Variants in SUPT3H observed in about 807,000 individuals in gnomAD.
SUPT3H encodes transcription initiation protein SPT3 homolog.
Under a neutral mutation model 44.3 loss-of-function variants are expected in SUPT3H, and 44 were observed. The ratio of observed to expected loss-of-function variants is 0.99; its 90% CI spans 0.78 to 1.28. The LOEUF is 1.28. Among genes scored for constraint, SUPT3H ranks in the 50% most tolerant of loss-of-function variants. The pLI is 0.00. For missense variants in SUPT3H, 380 were observed against 387.1 expected (o/e 0.98, Z 0.15); for synonymous variants, 124 against 125.6 (o/e 0.99, Z 0.09).
chr6:45,175,002 C>G (rs1398476574), intron 2 of SUPT3H, among the ~76,000 whole-genome samples: 7 of 118,992 alleles, frequency 5.9e-5, no homozygotes, highest in Non-Finnish European at 1.2e-4. Context: ...ACATAGTGAG[C>G]CCTCGTCACT....
chr6:45,210,403 T>C (rs1383012637), intron 2 of SUPT3H, among the ~76,000 whole-genome samples: 1 of 152,206 alleles, frequency 6.6e-6, no homozygotes, highest in Admixed American at 6.5e-5. Flanking sequence ...CATAAGTGAC[T>C]ATTCCTCTAC....
chr6:44,932,622 T>A, intron 10 of SUPT3H, 31 bp downstream of exon 10: 1 of 1,445,572 alleles, frequency 6.9e-7, no homozygotes. Flanking sequence ...ATATTATAAA[T>A]ATAACTTTTT....
chr6:45,204,250 A>AAAGAAGAAGAAGAAGAAGAAGAAG (rs59918814), intron 2 of SUPT3H, among the ~76,000 whole-genome samples: 16,754 of 142,944 alleles, frequency 0.12, 1,283 homozygotes, highest in East Asian at 0.26. Flanking sequence ...CCGTCTCAAA[A>AAAGAAGAAGAAGAAGAAGAAGAAG]AAGAAGAAGA....
intron 2 of SUPT3H, among the ~76,000 whole-genome samples, chr6:45,257,939 C>A (rs573776276): frequency 6.6e-6 from 1 of 152,280 alleles, no homozygotes; most frequent in Admixed American, 6.5e-5. Flanking sequence ...CAAAAAACAT[C>A]ATTCTATTTA....
At chr6:44,843,642 A>G (rs948669279) in intron 10 of SUPT3H, among the ~76,000 whole-genome samples, 4 of 152,274 alleles carry the variant, frequency 2.6e-5, no homozygotes, top group African/African-American at 9.6e-5. Flanking sequence ...ATAAAAACAT[A>G]ATATTAATTA....
At chr6:45,260,433 A>G (rs752531878) in intron 2 of SUPT3H, among the ~76,000 whole-genome samples, 9 of 151,960 alleles carry the variant, frequency 5.9e-5, no homozygotes, top group Non-Finnish European at 1.3e-4. Flanking sequence ...AAAAAAATCA[A>G]TGTACCTTTA....
At chr6:45,275,395 T>C (rs1776850146) in intron 2 of SUPT3H, among the ~76,000 whole-genome samples, 1 of 152,236 alleles carries the variant, frequency 6.6e-6, no homozygotes, top group African/African-American at 2.4e-5. Context: ...AAAAAATCAT[T>C]ATGACATATT....
intron 1 of SUPT3H, among the ~76,000 whole-genome samples, chr6:45,376,761 C>T (rs1563054371): frequency 6.6e-6 from 1 of 152,238 alleles, no homozygotes; most frequent in Non-Finnish European, 1.5e-5. Flanking sequence ...TTTTGTCCTT[C>T]AAGTAAATCT....
intron 2 of SUPT3H, chr6:45,321,896 A>G (rs575349438): frequency 6.6e-7 from 1 of 1,515,244 alleles, no homozygotes; most frequent in Non-Finnish European, 9.0e-7. Context: ...ATGAAGCTAG[A>G]AAAAAAATTG....
intron 2 of SUPT3H, among the ~76,000 whole-genome samples, chr6:45,275,359 T>C (rs1776843080): frequency 6.6e-6 from 1 of 152,214 alleles, no homozygotes; most frequent in Non-Finnish European, 1.5e-5. Context: ...GATGTATGTT[T>C]TACTTTACCA....
intron 2 of SUPT3H, among the ~76,000 whole-genome samples, chr6:45,362,419 TGAAATTACTGTAACACA>T (rs1274281947): frequency 2.6e-5 from 4 of 152,130 alleles, no homozygotes; most frequent in African/African-American, 9.7e-5. Context: ...AGTCACAGAA[TGAAATTACTGTAACACA>T]AAATAAACAT....
intron 3 of SUPT3H, among the ~76,000 whole-genome samples, chr6:45,022,867 C>T (rs945621276): frequency 6.6e-6 from 1 of 152,066 alleles, no homozygotes; most frequent in African/African-American, 2.4e-5. Context: ...AAAAAGTCAG[C>T]CCTCCTTATA....
At chr6:44,961,682 G>T in intron 7 of SUPT3H, 71 bp downstream of exon 7, 3 of 1,221,122 alleles carry the variant, frequency 2.5e-6, no homozygotes, top group African/African-American at 1.5e-5. Flanking sequence ...AACAGATCCT[G>T]TCATACTTTA....
At chr6:44,880,799 C>T (rs1232383286) in intron 10 of SUPT3H, among the ~76,000 whole-genome samples, 1 of 152,156 alleles carries the variant, frequency 6.6e-6, no homozygotes, top group African/African-American at 2.4e-5. Flanking sequence ...AAAGAATTTT[C>T]AACCCAGAAT....
In SUPT3H at chr6:45,214,956, T is replaced by TATTC. The variant is rs550032799; in HGVS notation, c.102-108954_102-108951dup. Among the ~76,000 whole-genome samples, 67 of 152,242 alleles carry TATTC rather than the reference T, an allele frequency of 4.4e-4. 2 individuals are homozygous for TATTC. Among genetic ancestry groups the TATTC allele is most frequent in the East Asian group, 4.3e-3 (22 of 5,174 alleles). ...ACCAGCAGAGCCGCTGTGCCCAGTG[T>TATTC]ATTCCATCCCAGACCTGAGAATCAA... On this transcript the variant is annotated intron_variant, in intron 2 of 10. Transcript: ENST00000371459.
chr6:45,193,469 A>C (rs1028045493), intron 2 of SUPT3H, among the ~76,000 whole-genome samples: 14 of 152,292 alleles, frequency 9.2e-5, no homozygotes, highest in African/African-American at 3.1e-4. Context: ...ATGCTGTATC[A>C]AATTCACTTT....
intron 2 of SUPT3H, among the ~76,000 whole-genome samples, chr6:45,228,732 G>A (rs1181537667): frequency 1.3e-5 from 2 of 151,898 alleles, no homozygotes; most frequent in Non-Finnish European, 2.9e-5. Flanking sequence ...CACTACAGCC[G>A]CCGCCCCCAG....
intron 9 of SUPT3H, among the ~76,000 whole-genome samples, chr6:44,948,290 G>C (rs2153471376): frequency 6.6e-6 from 1 of 152,224 alleles, no homozygotes; most frequent in Admixed American, 6.5e-5. Flanking sequence ...AAAAACCCTA[G>C]AAGAAAACCT....
intron 2 of SUPT3H, among the ~76,000 whole-genome samples, chr6:45,355,496 A>T (rs534267367): frequency 6.6e-6 from 1 of 152,164 alleles, no homozygotes; most frequent in South Asian, 2.1e-4. Context: ...TATAAAATCC[A>T]CCAATACAGA....
Sources: gnomAD v4.1 joint callset for allele counts (sites outside exome capture counted in the v4.1 genomes callset) on GRCh38, gnomAD v4.1.1 for gene constraint, MANE v1.5 for transcripts, NCBI Gene and HGNC (gene_info 2026-07-23, HGNC 2026-07-21) for gene names.